The following DEAF1 variants were observed in gnomAD, a reference collection of about 807,000 sequenced individuals.
The protein encoded by DEAF1 is deformed epidermal autoregulatory factor 1 homolog.
DEAF1 carries 53 observed loss-of-function variants against 58.9 expected under a neutral mutation model. The ratio of observed to expected loss-of-function variants is 0.90; its 90% confidence interval spans 0.72 to 1.13. DEAF1 has a LOEUF of 1.13. Ranked by LOEUF, DEAF1 falls within the 50% of genes most tolerant of loss-of-function variation. The probability of loss-of-function intolerance (pLI) is 0.00; values close to 1 mark genes in which losing one functional copy is unlikely to be tolerated. For synonymous variants in DEAF1, 385 were observed against 340.4 expected (o/e 1.13, Z -1.44); for missense variants, 685 against 791.4 (o/e 0.87, Z 1.61).
At chr11:658,511 C>T (rs7933436) in intron 10 of DEAF1, among the ~76,000 whole-genome samples, 72,970 of 151,862 alleles carry the variant, frequency 0.48, 18,975 homozygotes, top group East Asian at 0.73. Flanking sequence ...ACCGCGTTTC[C>T]GCAGCCAAGG....
Position 644,378 on chromosome 11 carries a change from C to T in DEAF1, c.*172G>A. Reference sequence around the variant, plus strand: ...AGGGGGCCCGGGCAGGGGGAGTGCGCTTCCCAGGGCACCATTCGCTTAAAG... The same window carrying T: ...AGGGGGCCCGGGCAGGGGGAGTGCGTTTCCCAGGGCACCATTCGCTTAAAG... On this transcript the variant is annotated 3_prime_UTR_variant, in exon 12 of 12. Coordinates refer to ENST00000382409, the MANE Select transcript of DEAF1 (RefSeq NM_021008.4). This position sits in a 1 kb window ranked among gnomAD's most constrained non-coding sequence, Gnocchi z 4.3. 4 of 662,866 alleles carry T rather than the reference C, an allele frequency of 6.0e-6. No individual in the cohort carries two copies. The South Asian group carries it at 6.7e-5, about 11-fold the overall frequency. The allele number at this position is 662,866 out of a possible 1,614,324, so 41.1% of individuals were successfully genotyped here. A position where few individuals can be genotyped will look rare whatever the true frequency, so the allele number is the denominator to read the frequency against.
chr11:684,891 C>T lies in DEAF1; in HGVS notation c.870+7G>A, dbSNP rs1860523454. 1.3e-6 allele frequency: 2 copies of T among 1,551,354 alleles called. No individual in the cohort carries two copies. Among genetic ancestry groups the T allele is most frequent in the Admixed American group, 2.0e-5 (1 of 50,972 alleles). On this transcript the variant is annotated splice_region_variant and intron_variant, in intron 6 of 11. Transcript: ENST00000382409. ...GTCATCCTGTTCCAGACACGCTGGC[C>T]ACTTACTAAGGTCATGTCGTCGCAG...
At chr11:677,290 A>G (rs1177227947) in intron 9 of DEAF1, among the ~76,000 whole-genome samples, 10 of 150,948 alleles carry the variant, frequency 6.6e-5, no homozygotes, top group Admixed American at 5.9e-4. Flanking sequence ...CACAAGGTCA[A>G]GAGATCAAGA....
upstream of DEAF1, chr11:699,994 CAGAT>C (rs541008628): frequency 9.6e-5 from 60 of 624,410 alleles, no homozygotes; most frequent in South Asian, 7.8e-4. Flanking sequence ...ACAGAAGCCT[CAGAT>C]AGGCAGTGAG....
chr11:691,452 C>G, intron 2 of DEAF1, 49 bp downstream of exon 2: 1 of 1,571,400 alleles, frequency 6.4e-7, no homozygotes, highest in East Asian at 2.2e-5. Context: ...GCCGGAGGCC[C>G]CCAGCGTGGC....
Position 694,955 on chromosome 11 carries a change from G to A in DEAF1, c.93C>T (p.Ala31=), listed in dbSNP as rs1363297541. 3 of 1,226,498 alleles carry A rather than the reference G, an allele frequency of 2.4e-6. No individual in the cohort carries two copies. The highest frequency in any genetic ancestry group is 3.7e-5 in the East Asian group (1 of 26,978). The allele number at this position is 1,226,498 out of a possible 1,614,324, so 76.0% of individuals were successfully genotyped here. ...AAAAVAAAAA[A]AAGGEAEEPV... is the part of the protein sequence containing the mutation. ...GCTCCTCCGCCTCGCCTCCTGCCGCGGCCGCGGCCGCCGCCGCCACAGCGG... is the reference window on the plus strand; with the variant it reads ...GCTCCTCCGCCTCGCCTCCTGCCGCAGCCGCGGCCGCCGCCGCCACAGCGG... The change falls in exon 1 of 12, where the codon GCC becomes GCT. Residue 31 remains alanine (A), a synonymous_variant. Transcript: ENST00000382409.
intron 10 of DEAF1, among the ~76,000 whole-genome samples, chr11:659,612 G>C (rs563891591): frequency 1.3e-5 from 2 of 152,326 alleles, no homozygotes; most frequent in Non-Finnish European, 1.5e-5. Context: ...CTGTGCACAG[G>C]GGCCTCCGCC....
intron 10 of DEAF1, among the ~76,000 whole-genome samples, chr11:658,327 G>A (rs1425060429): frequency 6.6e-6 from 1 of 152,184 alleles, no homozygotes; most frequent in African/African-American, 2.4e-5. Flanking sequence ...TACTCGCGAG[G>A]CTAAGGCAGG....
At chr11:699,154 G>A (rs1861333300), upstream of DEAF1, 1 of 490,282 alleles carries the variant, frequency 2.0e-6, no homozygotes. Flanking sequence ...ACCTGCCTCT[G>A]TCTCGGCCGC....
At chr11:650,184 G>A (rs186538816) in intron 11 of DEAF1, among the ~76,000 whole-genome samples, 69 of 151,888 alleles carry the variant, frequency 4.5e-4, no homozygotes, top group Middle Eastern at 6.8e-3. Context: ...AGACCAGCCT[G>A]GCCAACATGG....
chr11:662,029 G>T (rs1429852116), intron 10 of DEAF1, among the ~76,000 whole-genome samples: 1 of 152,212 alleles, frequency 6.6e-6, no homozygotes, highest in Non-Finnish European at 1.5e-5. Context: ...GGGCGCGGTG[G>T]CTCATGCCTA....
At chr11:703,436 T>C (rs1861591290) in intron 1 of DEAF1, 1 of 1,292,598 alleles carries the variant, frequency 7.7e-7, no homozygotes, top group Non-Finnish European at 9.8e-7. Context: ...GTCAGTGGGG[T>C]CTGGCTTTAG....
At chr11:674,932 C>A in intron 9 of DEAF1, 149 bp from the exon 10 acceptor site, 1 of 984,606 alleles carries the variant, frequency 1.0e-6, no homozygotes, top group South Asian at 1.5e-5. Flanking sequence ...ATCATGAGGT[C>A]AGGAGATCGA....
At chr11:693,302 G>C (rs1044933125) in intron 1 of DEAF1, among the ~76,000 whole-genome samples, 1 of 152,044 alleles carries the variant, frequency 6.6e-6, no homozygotes, top group African/African-American at 2.4e-5. Flanking sequence ...GTTTAGCGAC[G>C]GACGCCAACC....
intron 4 of DEAF1, 114 bp downstream of exon 4, chr11:687,797 T>G (rs1341332153): frequency 1.4e-6 from 2 of 1,451,004 alleles, no homozygotes; most frequent in Non-Finnish European, 1.9e-6. Flanking sequence ...CGCCCAGCCC[T>G]GTCTTCTTAA....
chr11:681,555 C>T (rs185600491), intron 6 of DEAF1, among the ~76,000 whole-genome samples: 29 of 152,038 alleles, frequency 1.9e-4, no homozygotes, highest in Admixed American at 1.1e-3. Flanking sequence ...GGACTACAGG[C>T]GCCCGCCACC....
At chr11:666,649 G>A (rs1859538279) in intron 10 of DEAF1, among the ~76,000 whole-genome samples, 1 of 152,098 alleles carries the variant, frequency 6.6e-6, no homozygotes, top group Non-Finnish European at 1.5e-5. Context: ...AGGTTGCAGT[G>A]AGCTGAGATC....
intron 9 of DEAF1, among the ~76,000 whole-genome samples, chr11:676,089 C>G (rs1479494580): frequency 2.1e-5 from 1 of 47,110 alleles, no homozygotes; most frequent in East Asian, 8.8e-4. Flanking sequence ...CGACATCCCC[C>G]CCAGCACCTG....
chr11:687,784 C>T (rs1860660330), intron 4 of DEAF1, 127 bp downstream of exon 4: 6 of 1,309,386 alleles, frequency 4.6e-6, no homozygotes, highest in Admixed American at 3.7e-5. Flanking sequence ...GCATCAGCCA[C>T]CGCGCCCAGC....
Sources: gnomAD v4.1 joint callset for allele counts (sites outside exome capture counted in the v4.1 genomes callset) on GRCh38, gnomAD v4.1.1 for gene constraint, Gnocchi (gnomAD v3.1) non-coding constraint, MANE v1.5 for transcripts, NCBI Gene and HGNC (gene_info 2026-07-23, HGNC 2026-07-21) for gene names.